Variants in SSC5D observed in about 807,000 individuals in gnomAD.
SSC5D encodes the protein scavenger receptor cysteine rich family member with 5 domains, also known as soluble scavenger receptor cysteine-rich domain-containing protein SSC5D.
In SSC5D, 106 loss-of-function variants were observed where a neutral mutation model predicts 104.6. The ratio of observed to expected loss-of-function variants is 1.01; its 90% CI spans 0.87 to 1.19. SSC5D has a LOEUF of 1.19. SSC5D is among the 50% of genes most tolerant of loss of function. The pLI is 0.00. For synonymous variants in SSC5D, 860 were observed against 883.5 expected (o/e 0.97, Z 0.47); for missense variants, 1,993 against 2,153.8 (o/e 0.93, Z 1.48).
At chr19:55,506,540 GCCC>G (rs1987640674) in intron 12 of SSC5D, among the ~76,000 whole-genome samples, 2 of 151,602 alleles carry the variant, frequency 1.3e-5, no homozygotes, top group Non-Finnish European at 2.9e-5. Context: ...GACTACAGGC[GCCC>G]ACCACTATGC....
intron 13 of SSC5D, among the ~76,000 whole-genome samples, chr19:55,515,327 C>T (rs942319150): frequency 7.3e-6 from 1 of 136,536 alleles, no homozygotes; most frequent in East Asian, 2.2e-4. Flanking sequence ...ACCCAGGAGG[C>T]GGAGATTGCA....
Position 55,518,732 on chromosome 19 carries a change from G to A in SSC5D, c.4456G>A (p.Glu1486Lys), listed in dbSNP as rs1446096915. ...PTPPVRVMAC[E>K]PPALVELVAA... ...ACCACCTGTAAGGGTCATGGCTTGT[G>A]AGCCACCTGCCCTGGTGGAGCTGGT... The change falls in exon 14 of 14, where the codon GAG (glutamate) becomes AAG (lysine). Residue 1486 changes from glutamate to lysine, a missense_variant. This residue lies in a region of SSC5D where 349 missense variants were observed against 397.6 expected (regional missense o/e 0.88). Coordinates refer to ENST00000389623, the MANE Select transcript of SSC5D (RefSeq NM_001144950.2). 1 of 1,550,908 alleles carries A rather than the reference G, an allele frequency of 6.4e-7. No individual in the cohort carries two copies. Among genetic ancestry groups the A allele is most frequent in the Admixed American group, 2.0e-5 (1 of 50,998 alleles).
At position 55,517,436 on chromosome 19, in the gene SSC5D, C is replaced by G; in HGVS notation, c.3160C>G (p.Pro1054Ala). The part of the protein sequence containing the change: ...APDTSPPTPD[P>A]ASRTNPDLIL... ...GGACACTTCACCACCCACCCCAGACCCGGCCTCCCGGACGAACCCCGACCT... is the reference window on the plus strand; with the variant it reads ...GGACACTTCACCACCCACCCCAGACGCGGCCTCCCGGACGAACCCCGACCT... The change falls in exon 14 of 14, where the codon CCG becomes GCG. Residue 1054 changes from proline to alanine, a missense_variant. Around this residue, in one of 6 missense-constraint regions of SSC5D, gnomAD observed 423 missense variants for 409.2 expected, o/e 1.03. Coordinates refer to ENST00000389623, the MANE Select transcript of SSC5D (RefSeq NM_001144950.2). The G allele has an allele frequency of 2.6e-6, 4 of 1,551,116 alleles. No homozygotes were observed. Among genetic ancestry groups the G allele is most frequent in the Non-Finnish European group, 3.5e-6 (4 of 1,146,976 alleles).
intron 12 of SSC5D, 48 bp from the exon 13 acceptor site, chr19:55,512,963 C>T (rs1987789004): frequency 2.6e-6 from 4 of 1,550,546 alleles, no homozygotes; most frequent in African/African-American, 1.4e-5. Flanking sequence ...GGGAGTCAAA[C>T]TCAAAGGGAA....
chr19:55,506,414 A>G (rs1987637437), intron 12 of SSC5D, among the ~76,000 whole-genome samples: 2 of 76,394 alleles, frequency 2.6e-5, no homozygotes, highest in African/African-American at 6.4e-5. Flanking sequence ...TTTTTTTTTG[A>G]GACGGAGTCT....
rs1987450314 is a variant in SSC5D, at chr19:55,500,304, A to C, written c.2194A>C (p.Ser732Arg). The C allele has an allele frequency of 6.4e-7, 1 of 1,551,406 alleles. No individual in the cohort carries two copies. Among genetic ancestry groups the C allele is most frequent in the Non-Finnish European group, 8.7e-7 (1 of 1,146,964 alleles). ...AATGACCTCTGAGTCCACTATCAAG[A>C]GTATCCCTCAGGCCTCCCTGGAGCC... ...QEMTSESTIKSIPQASLEPSA... is the reference protein window; with the variant it reads ...QEMTSESTIKRIPQASLEPSA... Residue 732 changes from serine (S) to arginine (R), a missense_variant, in exon 10 of 14, where the codon AGT becomes CGT. This residue lies in a region of SSC5D where 1,101 missense variants were observed against 1,085.0 expected (regional missense o/e 1.01). Transcript: ENST00000389623. The surrounding 1 kb of genome is among the most constrained non-coding windows in gnomAD (Gnocchi z 4.6).
chr19:55,504,224 C>T (rs773707813), intron 12 of SSC5D: 50 of 1,530,712 alleles, frequency 3.3e-5, no homozygotes, highest in Admixed American at 1.4e-4. Context: ...GGGCACGTGC[C>T]GGGCACAGCG....
intron 8 of SSC5D, among the ~76,000 whole-genome samples, chr19:55,497,650 T>C (rs1287147494): frequency 2.6e-5 from 4 of 152,170 alleles, no homozygotes; most frequent in Admixed American, 2.6e-4. Flanking sequence ...GTGTAGCTTT[T>C]TGAGGATCCT....
chr19:55,514,841 G>T (rs921803737), intron 13 of SSC5D, among the ~76,000 whole-genome samples: 1 of 152,114 alleles, frequency 6.6e-6, no homozygotes, highest in African/African-American at 2.4e-5. Flanking sequence ...AGCTCTGCAA[G>T]GGAGATACGC....
In SSC5D at chr19:55,489,234, G is replaced by A. The variant is rs551347543; in HGVS notation, c.53-120G>A. On this transcript the variant is annotated intron_variant, in intron 2 of 13. Transcript: ENST00000389623. ...CAGGAGTCTGGGCCCAGGGGCCAGT[G>A]AGCAGGGCCACTGGCCTACAGACAG... The A allele has an allele frequency of 1.3e-4, 152 of 1,212,582 alleles. No homozygotes were observed. In the African/African-American group the frequency reaches 2.2e-3, roughly 17 times the overall value. The allele number at this position is 1,212,582 out of a possible 1,614,324, so 75.1% of individuals were successfully genotyped here. A position where few individuals can be genotyped will look rare whatever the true frequency, so the allele number is the denominator to read the frequency against.
intron 4 of SSC5D, 133 bp from the exon 5 acceptor site, chr19:55,490,165 G>GC (rs1378405156): frequency 1.6e-6 from 1 of 606,370 alleles, no homozygotes; most frequent in African/African-American, 1.9e-5. Context: ...CCCGCCCCCT[G>GC]CCCCGCCCCG....
intron 7 of SSC5D, among the ~76,000 whole-genome samples, chr19:55,494,328 C>T (rs1002929096): frequency 6.6e-6 from 1 of 152,110 alleles, no homozygotes; most frequent in Non-Finnish European, 1.5e-5. Context: ...TGGCCCCCGG[C>T]GGAAGCCAGC....
In SSC5D at chr19:55,518,022, C is replaced by T. The variant is rs1987918143; in HGVS notation, c.3746C>T (p.Thr1249Ile). The T allele has an allele frequency of 2.0e-6, 3 of 1,534,474 alleles. No individual in the cohort carries two copies. The highest frequency in any genetic ancestry group is 2.6e-6 in the Non-Finnish European group (3 of 1,142,754). ...CCCACCACGACCCCTCATCCCACCACCATCACTCACTCCACCATGATTCCT... is the reference window on the plus strand; with the variant it reads ...CCCACCACGACCCCTCATCCCACCATCATCACTCACTCCACCATGATTCCT... ...PHPTTTPHPT[T>I]ITHSTMIPDP... Residue 1249 changes from threonine (T) to isoleucine (I), a missense_variant, in exon 14 of 14, where the codon ACC becomes ATC. Coordinates refer to ENST00000389623, the MANE Select transcript of SSC5D (RefSeq NM_001144950.2).
intron 12 of SSC5D, among the ~76,000 whole-genome samples, chr19:55,512,573 C>A (rs991098264): frequency 2.0e-5 from 3 of 151,780 alleles, no homozygotes; most frequent in Non-Finnish European, 4.4e-5. Context: ...CCTCTGTCTC[C>A]CAGGTTCAAG....
At chr19:55,493,992 G>GGGAT in intron 7 of SSC5D, 80 bp downstream of exon 7, 2 of 284,106 alleles carry the variant, frequency 7.0e-6, no homozygotes, top group South Asian at 5.2e-5. Context: ...GGGGGCGGGG[G>GGGAT]GGTCCCTACG....
intron 13 of SSC5D, among the ~76,000 whole-genome samples, chr19:55,516,082 C>T (rs1347666170): frequency 5.9e-5 from 9 of 152,004 alleles, no homozygotes; most frequent in African/African-American, 2.2e-4. Context: ...GCTACTCAGG[C>T]CCAAAATTTA....
Position 55,518,684 on chromosome 19 carries a change from C to T in SSC5D, c.4408C>T (p.His1470Tyr), listed in dbSNP as rs1013009648. 2 of 1,549,400 alleles carry T rather than the reference C, an allele frequency of 1.3e-6. No homozygotes were observed. Among genetic ancestry groups the T allele is most frequent in the African/African-American group, 2.7e-5 (2 of 72,986 alleles). ...GPTPGQSPGP[H>Y]GPCVAPTPPV... is the part of the protein sequence containing the mutation. ...AACTCCTGGTCAGAGCCCAGGCCCC[C>T]ATGGTCCATGTGTGGCCCCAACACC... The change falls in exon 14 of 14, where the codon CAT (histidine) becomes TAT (tyrosine). Residue 1470 changes from histidine to tyrosine, a missense_variant. Coordinates refer to ENST00000389623, the MANE Select transcript of SSC5D (RefSeq NM_001144950.2).
At chr19:55,499,599 C>T (rs764903755) in intron 9 of SSC5D, among the ~76,000 whole-genome samples, 6 of 152,128 alleles carry the variant, frequency 3.9e-5, no homozygotes, top group Non-Finnish European at 8.8e-5. Context: ...GCCAAGAAGG[C>T]GGGGGCAGTG....
At position 55,517,527 on chromosome 19, in the gene SSC5D, C is replaced by T. The variant is rs763215517; in HGVS notation, c.3251C>T (p.Pro1084Leu). ...TCCAGTGTGGTTCCCGCGTTGACCC[C>T]GGAGCCCTCACCCACGCCCTTACCC... ...PDSSVVPALTPEPSPTPLPTL... is the reference protein window; with the variant it reads ...PDSSVVPALTLEPSPTPLPTL... The change falls in exon 14 of 14, where the codon CCG (proline) becomes CTG (leucine). Residue 1084 changes from proline to leucine, a missense_variant. Physicochemically the swap from Pro to Leu is moderately conservative, Grantham distance 98. Transcript: ENST00000389623. 8.2e-5 allele frequency: 127 copies of T among 1,551,362 alleles called. No individual in the cohort carries two copies. Among genetic ancestry groups the T allele is most frequent in the Non-Finnish European group, 1.0e-4 (118 of 1,147,006 alleles).
Sources: allele counts gnomAD v4.1 joint callset (sites outside exome capture counted in the v4.1 genomes callset), GRCh38; gene constraint gnomAD v4.1.1; regional missense constraint gnomAD v4.1.1; non-coding constraint Gnocchi (gnomAD v3.1); transcripts MANE v1.5; gene names NCBI Gene and HGNC (gene_info 2026-07-23, HGNC 2026-07-21).